REEP3: variants seen among roughly 807,000 people sequenced by gnomAD.
The protein encoded by REEP3 is receptor expression-enhancing protein 3.
Under a neutral mutation model 41.3 loss-of-function variants are expected in REEP3, and 20 were observed. The observed-to-expected ratio is 0.48, with a 90% CI of 0.34 to 0.70. The LOEUF is 0.70. Among genes scored for constraint, REEP3 ranks in the 30% least tolerant of loss-of-function variants. REEP3 has a pLI of 0.01. For missense variants in REEP3, 271 were observed against 308.8 expected, an observed-to-expected ratio of 0.88 and a Z score of 0.92; for synonymous variants, 104 against 101.8, an observed-to-expected ratio of 1.02 and a Z score of -0.13.
At chr10:63,540,385 A>C (rs1447741885) in intron 1 of REEP3, among the ~76,000 whole-genome samples, 1 of 152,254 alleles carries the variant, frequency 6.6e-6, no homozygotes, top group African/African-American at 2.4e-5. Flanking sequence ...CATTTGTAAA[A>C]TTTGTCAGTG....
At chr10:63,534,183 T>G (rs1009478541) in intron 1 of REEP3, among the ~76,000 whole-genome samples, 3 of 152,184 alleles carry the variant, frequency 2.0e-5, no homozygotes, top group Non-Finnish European at 4.4e-5. Context: ...ACAAAGATTA[T>G]GCTTATTATG....
intron 1 of REEP3, among the ~76,000 whole-genome samples, chr10:63,534,064 A>C (rs1354253089): frequency 6.6e-6 from 1 of 152,090 alleles, no homozygotes; most frequent in Admixed American, 6.6e-5. Flanking sequence ...ATAAAGTTAT[A>C]TGAGAAAAAT....
At chr10:63,601,328 T>C (rs746459715) in intron 5 of REEP3, among the ~76,000 whole-genome samples, 1 of 152,128 alleles carries the variant, frequency 6.6e-6, no homozygotes, top group Non-Finnish European at 1.5e-5. Flanking sequence ...ATTAAGAAAT[T>C]TCTTAATTCT....
chr10:63,556,622 T>TAG (rs1554804603), intron 1 of REEP3, among the ~76,000 whole-genome samples: 1 of 82,138 alleles, frequency 1.2e-5, no homozygotes, highest in Non-Finnish European at 2.4e-5. Flanking sequence ...TTGTTTTTTT[T>TAG]TTTGTTGTTT....
chr10:63,527,255 C>G (rs1459568526), intron 1 of REEP3, among the ~76,000 whole-genome samples: 1 of 151,980 alleles, frequency 6.6e-6, no homozygotes, highest in Non-Finnish European at 1.5e-5. Flanking sequence ...CTAGATCTTT[C>G]TCGACAGCAT....
chr10:63,598,063 A>G lies in REEP3; in HGVS notation c.222A>G (p.Ile74Met). ...LYYELKIAFV[I>M]WLLSPYTKGA... ...ATGAGCTGAAGATTGCTTTTGTCAT[A>G]TGGCTGCTTTCTCCCTATACCAAAG... The change falls in exon 4 of 8, where the codon ATA becomes ATG. Residue 74 changes from isoleucine to methionine, a missense_variant. Coordinates refer to ENST00000373758, the MANE Select transcript of REEP3 (RefSeq NM_001001330.3). 1 of 1,610,620 alleles carries G rather than the reference A, an allele frequency of 6.2e-7. No individual in the cohort carries two copies. Among genetic ancestry groups the G allele is most frequent in the South Asian group, 1.1e-5 (1 of 90,966 alleles).
intron 2 of REEP3, among the ~76,000 whole-genome samples, chr10:63,574,209 C>T (rs1181941696): frequency 6.6e-6 from 1 of 152,150 alleles, no homozygotes; most frequent in African/African-American, 2.4e-5. Flanking sequence ...CTTCCTTCTA[C>T]GAAAGATGAT....
At chr10:63,611,456 C>T (rs978244112) in intron 6 of REEP3, among the ~76,000 whole-genome samples, 18 of 152,138 alleles carry the variant, frequency 1.2e-4, no homozygotes, top group Admixed American at 3.9e-4. Context: ...AAATTATGAA[C>T]ATGTCATAGT....
intron 2 of REEP3, among the ~76,000 whole-genome samples, chr10:63,574,208 A>G (rs1191258429): frequency 1.3e-5 from 2 of 152,232 alleles, no homozygotes; most frequent in Admixed American, 6.5e-5. Flanking sequence ...ACTTCCTTCT[A>G]CGAAAGATGA....
intron 1 of REEP3, among the ~76,000 whole-genome samples, chr10:63,526,901 T>C (rs1360800622): frequency 6.6e-6 from 1 of 152,150 alleles, no homozygotes; most frequent in African/African-American, 2.4e-5. Flanking sequence ...TCGCCTTCTT[T>C]GTTTTTTATT....
At position 63,610,152 on chromosome 10, in the gene REEP3, T is replaced by C. The variant is rs539017172; in HGVS notation, c.418-35T>C. The stretch of plus-strand genomic sequence containing the variant: ...TAGTTAAATGTAAGCATACTAAATA[T>C]TTTTTCTTGGACCTATCACTTCTCT... On this transcript the variant is annotated intron_variant, in intron 5 of 7. Coordinates refer to ENST00000373758, the MANE Select transcript of REEP3 (RefSeq NM_001001330.3). 4 of 1,567,356 alleles carry C rather than the reference T, an allele frequency of 2.6e-6. No individual in the cohort carries two copies. The East Asian group carries it at 6.8e-5, about 26-fold the overall frequency.
intron 1 of REEP3, among the ~76,000 whole-genome samples, chr10:63,556,206 C>T (rs1955677385): frequency 6.6e-6 from 1 of 152,208 alleles, no homozygotes; most frequent in African/African-American, 2.4e-5. Flanking sequence ...ACCTCCGCTT[C>T]CCAGGTTTAA....
chr10:63,594,362 C>G (rs1248854459), intron 2 of REEP3, among the ~76,000 whole-genome samples: 1 of 152,148 alleles, frequency 6.6e-6, no homozygotes, highest in African/African-American at 2.4e-5. Context: ...CACTGCACTT[C>G]AGCGTACCCT....
Position 63,552,796 on chromosome 10 carries a change from G to A in REEP3, c.33-13542G>A, listed in dbSNP as rs73298599. Among the ~76,000 whole-genome samples, 1,087 of 152,342 alleles carry A rather than the reference G, an allele frequency of 7.1e-3. 9 individuals are homozygous for A. The highest frequency in any genetic ancestry group is 0.024 in the African/African-American group (1,011 of 41,582). On this transcript the variant is annotated intron_variant, in intron 1 of 7. Coordinates refer to ENST00000373758, the MANE Select transcript of REEP3 (RefSeq NM_001001330.3). The stretch of plus-strand genomic sequence containing the variant: ...CATTAGACACAGGGGGCTTGCTAGT[G>A]CCAAGCAGCCAGTCTGCTGGTTTTG...
rs67568146 is a variant in REEP3, at chr10:63,622,705, C to CTTTTTTTTTTTTTTTTT, written c.*1840_*1856dup. 54 of 116,600 alleles carry CTTTTTTTTTTTTTTTTT rather than the reference C, an allele frequency of 4.6e-4. No individual in the cohort carries two copies. The highest frequency in any genetic ancestry group is 1.8e-3 in the African/African-American group (50 of 28,080). 7.2% of individuals were successfully genotyped at this position (116,600 alleles called of 1,614,324 possible). ...TGGGAGCTGATTTGCACCATTTTAC[C>CTTTTTTTTTTTTTTTTT]TTTTTTTTTTTTTTTTTTTTGAGAC... On this transcript the variant is annotated 3_prime_UTR_variant, in exon 8 of 8. Transcript: ENST00000373758.
chr10:63,542,631 AC>A (rs1203413749), intron 1 of REEP3, among the ~76,000 whole-genome samples: 3 of 152,250 alleles, frequency 2.0e-5, no homozygotes, highest in African/African-American at 7.2e-5. Flanking sequence ...CATTTGCATT[AC>A]AGCAAGGCAC....
At chr10:63,583,240 C>T (rs953041223) in intron 2 of REEP3, among the ~76,000 whole-genome samples, 4 of 152,102 alleles carry the variant, frequency 2.6e-5, no homozygotes, top group African/African-American at 9.7e-5. Context: ...ATCCGCCCAC[C>T]TCAGCCTCCC....
intron 1 of REEP3, among the ~76,000 whole-genome samples, chr10:63,528,049 A>G (rs1378248039): frequency 6.6e-6 from 1 of 151,888 alleles, no homozygotes; most frequent in African/African-American, 2.4e-5. Context: ...AAGTTGTTAA[A>G]GTTGGCATGT....
intron 1 of REEP3, among the ~76,000 whole-genome samples, chr10:63,558,408 T>G (rs1955710051): frequency 6.6e-6 from 1 of 152,254 alleles, no homozygotes; most frequent in Non-Finnish European, 1.5e-5. Context: ...TTGCCATCCT[T>G]ACTTCACATC....
Sources: allele counts gnomAD v4.1 joint callset (sites outside exome capture counted in the v4.1 genomes callset), GRCh38; gene constraint gnomAD v4.1.1; transcripts MANE v1.5; gene names NCBI Gene and HGNC (gene_info 2026-07-23, HGNC 2026-07-21).